TAFA1: variants seen among roughly 807,000 people sequenced by gnomAD.
The protein encoded by TAFA1 is TAFA chemokine like family member 1.
TAFA1 carries 4 observed loss-of-function variants against 18.5 expected under a neutral mutation model. The ratio of observed to expected loss-of-function variants is 0.22; its 90% CI spans 0.11 to 0.49. The LOEUF (loss-of-function observed/expected upper bound fraction) is 0.49, where lower values mean the gene tolerates loss of function less well. Among genes scored for constraint, TAFA1 ranks in the 20% least tolerant of loss-of-function variants. The pLI, the probability that TAFA1 is intolerant of heterozygous loss-of-function variation, is 0.98. For missense variants in TAFA1, 147 were observed against 169.0 expected (o/e 0.87, Z 0.72); for synonymous variants, 56 against 55.2 (o/e 1.01, Z -0.06).
chr3:68,051,004 AG>A (rs1405905249), intron 2 of TAFA1, among the ~76,000 whole-genome samples: 3 of 152,168 alleles, frequency 2.0e-5, no homozygotes, highest in Non-Finnish European at 4.4e-5. Flanking sequence ...ACATACTAAA[AG>A]TACAGTCTAT....
chr3:68,011,665 A>C (rs946514115), intron 2 of TAFA1, among the ~76,000 whole-genome samples: 3 of 152,326 alleles, frequency 2.0e-5, no homozygotes, highest in Middle Eastern at 3.4e-3. Context: ...CTATGGTCGC[A>C]TATTGGCTCT....
chr3:68,181,566 G>A (rs1245493261), intron 2 of TAFA1, among the ~76,000 whole-genome samples: 1 of 151,918 alleles, frequency 6.6e-6, no homozygotes, highest in East Asian at 1.9e-4. Context: ...TTGCTAATAG[G>A]GTAATTATTA....
At chr3:68,033,144 A>G (rs933425077) in intron 2 of TAFA1, among the ~76,000 whole-genome samples, 1 of 152,202 alleles carries the variant, frequency 6.6e-6, no homozygotes, top group Non-Finnish European at 1.5e-5. Context: ...ACAGAAATAG[A>G]TAACATCTCT....
At chr3:68,354,109 A>C (rs1307245469) in intron 2 of TAFA1, among the ~76,000 whole-genome samples, 1 of 151,884 alleles carries the variant, frequency 6.6e-6, no homozygotes, top group East Asian at 1.9e-4. Flanking sequence ...AACAAACAAC[A>C]ACAAAAACTA....
rs146823720 is a variant in TAFA1 at position 68,542,285 on chromosome 3, C to G, written c.385-2201C>G. On this transcript the variant is annotated intron_variant, in intron 4 of 4. Coordinates refer to ENST00000478136, the MANE Select transcript of TAFA1 (RefSeq NM_213609.4). ...AGTACATCTGGGTGAAGTTTCATGGCCAAATTATTCCTCTGCGTCTGCTTG... is the reference window on the plus strand; with the variant it reads ...AGTACATCTGGGTGAAGTTTCATGGGCAAATTATTCCTCTGCGTCTGCTTG... 4.8e-3 allele frequency among the ~76,000 whole-genome samples: 735 copies of G among 152,196 alleles called. 5 individuals are homozygous for G. Among genetic ancestry groups the G allele is most frequent in the Middle Eastern group, 0.027 (8 of 294 alleles).
chr3:68,059,304 A>G (rs1361960445), intron 2 of TAFA1, among the ~76,000 whole-genome samples: 2 of 152,172 alleles, frequency 1.3e-5, no homozygotes, highest in Middle Eastern at 3.2e-3. Flanking sequence ...TGTTATATAT[A>G]TATGAAACAT....
upstream of TAFA1, among the ~76,000 whole-genome samples, chr3:67,999,623 C>G (rs577024033): frequency 1.1e-3 from 172 of 152,094 alleles, 1 homozygote; most frequent in African/African-American, 4.1e-3. Flanking sequence ...TACTGAGAAC[C>G]AGGGTAGAAA....
intron 2 of TAFA1, among the ~76,000 whole-genome samples, chr3:68,167,498 A>C (rs565007918): frequency 6.7e-6 from 1 of 150,192 alleles, no homozygotes; most frequent in African/African-American, 2.5e-5. Flanking sequence ...AATGGCCTGG[A>C]CCTGGGAGGC....
intron 3 of TAFA1, among the ~76,000 whole-genome samples, chr3:68,479,897 AAC>A (rs910469501): frequency 6.6e-6 from 1 of 150,548 alleles, no homozygotes; most frequent in Non-Finnish European, 1.5e-5. Flanking sequence ...CACACACACA[AAC>A]ACACACATCA....
chr3:68,274,414 G>A lies in TAFA1; in HGVS notation c.119-142866G>A, dbSNP rs557448375. ...TTAATAGAAAAGCAAAACAGTGTGG[G>A]ATGCCAATACATTCAAGAAAAGCCA... is the stretch of plus-strand genomic sequence containing the variant. On this transcript the variant is annotated intron_variant, in intron 2 of 4. Transcript: ENST00000478136. Among the ~76,000 whole-genome samples the A allele has an allele frequency of 3.3e-4, 50 of 152,316 alleles. No homozygotes were observed. In the South Asian group the frequency reaches 0.01, roughly 31 times the overall value.
chr3:68,088,096 G>A (rs970884337), intron 2 of TAFA1, among the ~76,000 whole-genome samples: 1 of 152,048 alleles, frequency 6.6e-6, no homozygotes, highest in African/African-American at 2.4e-5. Context: ...TTTATCATCA[G>A]TGACAAGGTT....
chr3:68,352,517 A>G (rs1193200825), intron 2 of TAFA1, among the ~76,000 whole-genome samples: 2 of 152,092 alleles, frequency 1.3e-5, no homozygotes, highest in Non-Finnish European at 2.9e-5. Context: ...CTCTGGTGCC[A>G]TATCTGAGCT....
intron 3 of TAFA1, among the ~76,000 whole-genome samples, chr3:68,430,825 A>G (rs2071155669): frequency 6.6e-6 from 1 of 151,948 alleles, no homozygotes; most frequent in Non-Finnish European, 1.5e-5. Context: ...CACACAGCAA[A>G]CAAACAAAAC....
At chr3:68,344,829 T>G (rs982653956) in intron 2 of TAFA1, among the ~76,000 whole-genome samples, 1 of 152,150 alleles carries the variant, frequency 6.6e-6, no homozygotes, top group East Asian at 1.9e-4. Flanking sequence ...ATTAGGTTCT[T>G]TTATTATTTC....
Position 68,246,823 on chromosome 3 carries a change from C to T in TAFA1, c.119-170457C>T, listed in dbSNP as rs2067090575. 3 of 152,112 alleles carry T rather than the reference C, an allele frequency of 2.0e-5. No individual in the cohort carries two copies. The South Asian group carries it at 6.2e-4, about 32-fold the overall frequency. The allele number at this position is 152,112 out of a possible 1,614,324, so 9.4% of individuals were successfully genotyped here. A position where few individuals can be genotyped will look rare whatever the true frequency, so the allele number is the denominator to read the frequency against. On this transcript the variant is annotated intron_variant, in intron 2 of 4. Coordinates refer to ENST00000478136, the MANE Select transcript of TAFA1 (RefSeq NM_213609.4). ...TCGGCTGTACTGCCAGGATTTAAGA[C>T]ACTTTGAAAATGGGCAAAGCCTCAT...
Position 68,544,763 on chromosome 3 carries a change from T to A in TAFA1, c.*260T>A. 3.1e-6 allele frequency: 1 copy of A among 321,250 alleles called. No homozygotes were observed. Among genetic ancestry groups the A allele is most frequent in the Non-Finnish European group, 5.7e-6 (1 of 174,780 alleles). 19.9% of individuals were successfully genotyped at this position (321,250 alleles called of 1,614,324 possible). ...TTGGGCATCATGAAGAACGATCAAC[T>A]ATCTTCTAATTTGAATCTATAGTTA... is the stretch of plus-strand genomic sequence containing the variant. On this transcript the variant is annotated 3_prime_UTR_variant, in exon 5 of 5. Transcript: ENST00000478136.
chr3:68,317,473 C>T (rs1173636083), intron 2 of TAFA1, among the ~76,000 whole-genome samples: 2 of 152,170 alleles, frequency 1.3e-5, no homozygotes, highest in East Asian at 3.9e-4. Flanking sequence ...ACCTGGTGAG[C>T]TATGGGCTGG....
At chr3:68,304,138 A>G (rs1318892111) in intron 2 of TAFA1, among the ~76,000 whole-genome samples, 1 of 152,238 alleles carries the variant, frequency 6.6e-6, no homozygotes, top group African/African-American at 2.4e-5. Flanking sequence ...TATTCTAACC[A>G]TATTTTCATC....
intron 2 of TAFA1, among the ~76,000 whole-genome samples, chr3:68,410,850 A>G (rs2070702322): frequency 6.6e-6 from 1 of 152,114 alleles, no homozygotes; most frequent in African/African-American, 2.4e-5. Context: ...AGGCATTGAC[A>G]CCAAGGAAAA....
Sources: allele counts gnomAD v4.1 joint callset (sites outside exome capture counted in the v4.1 genomes callset), GRCh38; gene constraint gnomAD v4.1.1; transcripts MANE v1.5; gene names NCBI Gene and HGNC (gene_info 2026-07-23, HGNC 2026-07-21).